FRMD3: variants seen among roughly 807,000 people sequenced by gnomAD.
The protein encoded by FRMD3 is FERM domain-containing protein 3.
In FRMD3, 33 loss-of-function variants were observed where a neutral mutation model predicts 70.2. The observed-to-expected ratio is 0.47, with a 90% confidence interval of 0.36 to 0.63. The LOEUF is 0.63. Among genes scored for constraint, FRMD3 ranks in the 20% least tolerant of loss-of-function variants. The pLI is 0.00. For synonymous variants in FRMD3, 279 were observed against 255.9 expected (o/e 1.09, Z -0.86); for missense variants, 632 against 711.4 (o/e 0.89, Z 1.27).
chr9:83,300,599 C>A (rs369986850), intron 10 of FRMD3, among the ~76,000 whole-genome samples: 1 of 152,166 alleles, frequency 6.6e-6, no homozygotes, highest in African/African-American at 2.4e-5. Context: ...GCAATATACA[C>A]TAATTGACAG....
intron 1 of FRMD3, among the ~76,000 whole-genome samples, chr9:83,499,794 C>T (rs1587481297): frequency 6.6e-6 from 1 of 152,296 alleles, no homozygotes; most frequent in East Asian, 1.9e-4. Context: ...TTTAAACCTA[C>T]ACATGAATGT....
intron 1 of FRMD3, among the ~76,000 whole-genome samples, chr9:83,392,898 T>C (rs1825706028): frequency 6.6e-6 from 1 of 152,210 alleles, no homozygotes; most frequent in Non-Finnish European, 1.5e-5. Context: ...CAGCTCTACG[T>C]GCAGTACTGA....
intron 13 of FRMD3, among the ~76,000 whole-genome samples, chr9:83,280,023 A>G (rs984095352): frequency 6.6e-6 from 1 of 152,248 alleles, no homozygotes; most frequent in South Asian, 2.1e-4. Context: ...GAAGATGGCT[A>G]TACCTTTTGC....
At chr9:83,327,369 G>A (rs534385583) in intron 6 of FRMD3, among the ~76,000 whole-genome samples, 35 of 152,318 alleles carry the variant, frequency 2.3e-4, no homozygotes, top group African/African-American at 7.7e-4. Flanking sequence ...CCTTCAGCAG[G>A]GCTTGGGACT....
chr9:83,484,487 G>A (rs573279557), intron 1 of FRMD3, among the ~76,000 whole-genome samples: 24 of 152,138 alleles, frequency 1.6e-4, no homozygotes, highest in African/African-American at 4.6e-4. Context: ...GCATGATCTC[G>A]GCTCTCTGTA....
At chr9:83,403,638 T>G (rs1257795203) in intron 1 of FRMD3, among the ~76,000 whole-genome samples, 1 of 152,026 alleles carries the variant, frequency 6.6e-6, no homozygotes, top group Non-Finnish European at 1.5e-5. Flanking sequence ...GAAATTACAG[T>G]CTAGTGTACT....
At chr9:83,435,866 C>T (rs1827119046) in intron 1 of FRMD3, among the ~76,000 whole-genome samples, 1 of 152,088 alleles carries the variant, frequency 6.6e-6, no homozygotes, top group Admixed American at 6.5e-5. Context: ...CAACCCTCTG[C>T]CCTAGTGACT....
intron 2 of FRMD3, among the ~76,000 whole-genome samples, chr9:83,374,590 CT>C (rs1825084961): frequency 6.6e-6 from 1 of 152,182 alleles, no homozygotes; most frequent in African/African-American, 2.4e-5. Context: ...GATGCTTAAT[CT>C]CTCTGTGTCT....
chr9:83,397,654 C>T (rs1008913173), intron 1 of FRMD3, among the ~76,000 whole-genome samples: 1 of 152,182 alleles, frequency 6.6e-6, no homozygotes, highest in Non-Finnish European at 1.5e-5. Flanking sequence ...GCTGTGAGGC[C>T]TCATTTCCTA....
the FRMD3 span, among the ~76,000 whole-genome samples, chr9:83,573,291 T>C: frequency 6.6e-6 from 1 of 151,788 alleles, no homozygotes; most frequent in South Asian, 2.1e-4. Flanking sequence ...GGAGAAATTA[T>C]AGTTTTCTTT....
intron 13 of FRMD3, among the ~76,000 whole-genome samples, chr9:83,273,022 CA>C (rs1459485761): frequency 1.4e-5 from 2 of 143,046 alleles, no homozygotes; most frequent in Admixed American, 1.4e-4. Context: ...GGGCAGCCCC[CA>C]CCCAGCCAGC....
rs1377685328 is a variant in FRMD3, at chr9:83,369,669, C to G, written c.295+3244G>C. Among the ~76,000 whole-genome samples the G allele has an allele frequency of 2.0e-5, 3 of 151,306 alleles. No individual in the cohort carries two copies. In the East Asian group the frequency reaches 5.8e-4, roughly 29 times the overall value. ...TCAGAAAACCACCTTTTAAATCAGG[C>G]CAATCATCAATTATGGATATTTTTA... On this transcript the variant is annotated intron_variant, in intron 3 of 13. Coordinates refer to ENST00000304195, the MANE Select transcript of FRMD3 (RefSeq NM_174938.6).
rs1016728860 is a variant in FRMD3, at chr9:83,538,098, G to A, written c.134C>T (p.Ser45Phe). The A allele has an allele frequency of 5.6e-6, 9 of 1,612,960 alleles. No homozygotes were observed. The South Asian group carries it at 9.9e-5, about 18-fold the overall frequency. Residue 45 changes from serine to phenylalanine, a missense_variant, in exon 1 of 14, where the codon TCC becomes TTC. Coordinates refer to ENST00000304195, the MANE Select transcript of FRMD3 (RefSeq NM_174938.6). This position sits in a 1 kb window ranked among gnomAD's most constrained non-coding sequence, Gnocchi z 4.7. ...TIRLLDDSEI[S>F]CHIQRETKGQ... ...TTCCACGCGCACCTGGATGTGGCAG[G>A]AGATCTCCGAGTCGTCCAGCAGCCG...
chr9:83,423,456 G>A (rs1297314556), intron 1 of FRMD3, among the ~76,000 whole-genome samples: 1 of 152,068 alleles, frequency 6.6e-6, no homozygotes, highest in Non-Finnish European at 1.5e-5. Context: ...ACTGCCATCA[G>A]GAGAAAGCCT....
At chr9:83,507,691 C>CAT (rs34251863) in intron 1 of FRMD3, among the ~76,000 whole-genome samples, 842 of 49,018 alleles carry the variant, frequency 0.017, 16 homozygotes, top group Non-Finnish European at 0.021. Flanking sequence ...AATATACATA[C>CAT]ATATATATAT....
At chr9:83,430,034 G>C (rs1384241956) in intron 1 of FRMD3, among the ~76,000 whole-genome samples, 1 of 152,094 alleles carries the variant, frequency 6.6e-6, no homozygotes, top group Non-Finnish European at 1.5e-5. Flanking sequence ...GAACTCCTTT[G>C]TTCCCCCATC....
Position 83,345,524 on chromosome 9 carries a change from G to A in FRMD3, c.375-2237C>T, listed in dbSNP as rs192376199. On this transcript the variant is annotated intron_variant, in intron 4 of 13. Transcript: ENST00000304195. ...TGTAATCCCAGCAATTTGGGAGGCC[G>A]AGTTGGGTGGATCACGAGGTCAACA... Among the ~76,000 whole-genome samples, 11 of 152,234 alleles carry A rather than the reference G, an allele frequency of 7.2e-5. No individual in the cohort carries two copies. The East Asian group carries it at 1.7e-3, about 24-fold the overall frequency.
intron 1 of FRMD3, among the ~76,000 whole-genome samples, chr9:83,473,725 C>G (rs1480602237): frequency 1.3e-5 from 2 of 152,328 alleles, no homozygotes; most frequent in African/African-American, 4.8e-5. Context: ...ATTCACCCCC[C>G]ATGAAGGAAA....
intron 1 of FRMD3, among the ~76,000 whole-genome samples, chr9:83,436,849 G>C (rs1827151472): frequency 6.6e-6 from 1 of 150,934 alleles, no homozygotes; most frequent in South Asian, 2.1e-4. Context: ...GATTTACCTA[G>C]GAGCCATATC....
Sources: allele counts gnomAD v4.1 joint callset (sites outside exome capture counted in the v4.1 genomes callset), GRCh38; gene constraint gnomAD v4.1.1; non-coding constraint Gnocchi (gnomAD v3.1); transcripts MANE v1.5; gene names NCBI Gene and HGNC (gene_info 2026-07-23, HGNC 2026-07-21).